The following ZNF423 variants were observed in gnomAD, a reference collection of about 807,000 sequenced individuals.
ZNF423 encodes the protein zinc finger protein 423.
A neutral mutation model predicts 95.8 loss-of-function variants in ZNF423; 12 were observed. The observed-to-expected ratio is 0.13, with a 90% confidence interval of 0.08 to 0.20. ZNF423 has a LOEUF of 0.20. Among genes scored for constraint, ZNF423 ranks in the 10% least tolerant of loss-of-function variants. The pLI, the probability that ZNF423 is intolerant of heterozygous loss-of-function variation, is 1.00. For missense variants in ZNF423, 1,316 were observed against 1,737.1 expected, an observed-to-expected ratio of 0.76 and a Z score of 4.31; for synonymous variants, 749 against 711.9, an observed-to-expected ratio of 1.05 and a Z score of -0.83.
intron 5 of ZNF423, among the ~76,000 whole-genome samples, chr16:49,569,368 G>A (rs1970292054): frequency 6.6e-6 from 1 of 152,232 alleles, no homozygotes; most frequent in Non-Finnish European, 1.5e-5. Flanking sequence ...CTGCAGATAT[G>A]AAAGTCTGCA....
chr16:49,518,340 C>A (rs1968239302), intron 7 of ZNF423: 1 of 415,456 alleles, frequency 2.4e-6, no homozygotes, highest in East Asian at 7.0e-5. Flanking sequence ...TGTCCAGTGA[C>A]AATCTTTCCA....
intron 7 of ZNF423, among the ~76,000 whole-genome samples, chr16:49,498,710 TG>T (rs2151654938): frequency 6.6e-6 from 1 of 152,276 alleles, no homozygotes; most frequent in Non-Finnish European, 1.5e-5. Flanking sequence ...TCTTTCCCTT[TG>T]GGAAGGGTAT....
At chr16:49,786,385 C>T (rs1247958515) in intron 2 of ZNF423, among the ~76,000 whole-genome samples, 1 of 152,236 alleles carries the variant, frequency 6.6e-6, no homozygotes, top group Non-Finnish European at 1.5e-5. Flanking sequence ...TTCTCCATCA[C>T]ACACCCAAGG....
At chr16:49,782,428 G>A (rs2034227395) in intron 2 of ZNF423, among the ~76,000 whole-genome samples, 2 of 152,202 alleles carry the variant, frequency 1.3e-5, no homozygotes, top group Non-Finnish European at 2.9e-5. Context: ...TGGGAGTGAC[G>A]GTTCCTATTA....
intron 3 of ZNF423, among the ~76,000 whole-genome samples, chr16:49,703,299 T>C (rs969610406): frequency 5.9e-5 from 9 of 152,246 alleles, no homozygotes; most frequent in African/African-American, 1.7e-4. Context: ...TTTTCCTTCA[T>C]TGAATTTTTT....
At chr16:49,539,503 G>A (rs1205695952) in intron 5 of ZNF423, among the ~76,000 whole-genome samples, 2 of 152,184 alleles carry the variant, frequency 1.3e-5, no homozygotes, top group Non-Finnish European at 2.9e-5. Flanking sequence ...CTAGCAGTGG[G>A]ATCCTGGAAC....
intron 3 of ZNF423, among the ~76,000 whole-genome samples, chr16:49,655,866 C>G (rs976357777): frequency 6.6e-6 from 1 of 152,188 alleles, no homozygotes; most frequent in African/African-American, 2.4e-5. Context: ...TTCCACAAAC[C>G]CACGCAGTCA....
At chr16:49,711,100 G>C (rs2032529465) in intron 3 of ZNF423, among the ~76,000 whole-genome samples, 1 of 152,214 alleles carries the variant, frequency 6.6e-6, no homozygotes, top group Admixed American at 6.5e-5. Context: ...GATGGAATGA[G>C]AGGGGTGGAA....
At chr16:49,696,193 T>C (rs1332411322) in intron 3 of ZNF423, among the ~76,000 whole-genome samples, 5 of 152,204 alleles carry the variant, frequency 3.3e-5, no homozygotes, top group Non-Finnish European at 7.3e-5. Context: ...TCCTCTCGCT[T>C]GAATGACAAA....
chr16:49,590,405 G>A (rs1970976680), intron 5 of ZNF423, among the ~76,000 whole-genome samples: 1 of 152,090 alleles, frequency 6.6e-6, no homozygotes, highest in Admixed American at 6.5e-5. Flanking sequence ...AAGACATGCA[G>A]GCATCACGGC....
chr16:49,714,510 T>TCCG (rs960802913), intron 3 of ZNF423, among the ~76,000 whole-genome samples: 2 of 151,226 alleles, frequency 1.3e-5, no homozygotes, highest in African/African-American at 4.9e-5. Context: ...TACAAAAAAT[T>TCCG]AGCCAGGTGT....
chr16:49,677,226 GA>G (rs1386233856), intron 3 of ZNF423, among the ~76,000 whole-genome samples: 10 of 125,636 alleles, frequency 8.0e-5, no homozygotes, highest in African/African-American at 2.5e-4. Context: ...ATAGAAACAA[GA>G]AAAGAGAAGA....
intron 3 of ZNF423, among the ~76,000 whole-genome samples, chr16:49,655,787 C>T (rs2029870159): frequency 1.3e-5 from 2 of 152,142 alleles, no homozygotes; most frequent in South Asian, 2.1e-4. Flanking sequence ...GTGTGGAAGC[C>T]GAAAGCCCAG....
chr16:49,535,579 G>A (rs1279339933), intron 5 of ZNF423, among the ~76,000 whole-genome samples: 1 of 152,108 alleles, frequency 6.6e-6, no homozygotes, highest in Non-Finnish European at 1.5e-5. Context: ...CCACACACAA[G>A]AGAACAAGCG....
intron 2 of ZNF423, 141 bp downstream of exon 2, chr16:49,789,346 T>C (rs1181551447): frequency 1.5e-6 from 1 of 676,524 alleles, no homozygotes; most frequent in African/African-American, 1.9e-5. Context: ...ATAAAAATCG[T>C]GTTGCATGGG....
At chr16:49,788,249 C>A (rs2143816919) in intron 2 of ZNF423, among the ~76,000 whole-genome samples, 1 of 152,314 alleles carries the variant, frequency 6.6e-6, no homozygotes, top group South Asian at 2.1e-4. Context: ...ACTCTGCAGG[C>A]AGCATTAGCT....
chr16:49,654,571 G>A (rs1372621601), intron 3 of ZNF423, among the ~76,000 whole-genome samples: 2 of 152,224 alleles, frequency 1.3e-5, no homozygotes, highest in Non-Finnish European at 1.5e-5. Context: ...CAGATGAGGT[G>A]CCATCATGGG....
chr16:49,525,575 C>A, intron 5 of ZNF423, 81 bp from the exon 6 acceptor site: 1 of 1,572,730 alleles, frequency 6.4e-7, no homozygotes, highest in Non-Finnish European at 8.6e-7. Flanking sequence ...CCCATAGACC[C>A]CAGCACTAAC....
At chr16:49,663,550 G>A (rs2030363813) in intron 3 of ZNF423, among the ~76,000 whole-genome samples, 1 of 152,234 alleles carries the variant, frequency 6.6e-6, no homozygotes, top group Non-Finnish European at 1.5e-5. Context: ...GGCAAAGTCA[G>A]GCCCGGCAGC....
Sources: gnomAD v4.1 joint callset for allele counts (sites outside exome capture counted in the v4.1 genomes callset) on GRCh38, gnomAD v4.1.1 for gene constraint, MANE v1.5 for transcripts, NCBI Gene and HGNC (gene_info 2026-07-23, HGNC 2026-07-21) for gene names.